The following YWHAG variants were observed in gnomAD, a reference collection of about 807,000 sequenced individuals.
The protein encoded by YWHAG is tyrosine 3-monooxygenase/tryptophan 5-monooxygenase activation protein gamma.
A neutral mutation model predicts 23.3 loss-of-function variants in YWHAG; 1 was observed. The ratio of observed to expected loss-of-function variants is 0.04; its 90% CI spans 0.02 to 0.20. The LOEUF is 0.20. Among genes scored for constraint, YWHAG ranks in the 10% least tolerant of loss-of-function variants. The pLI, the probability that YWHAG is intolerant of heterozygous loss-of-function variation, is 1.00. For synonymous variants in YWHAG, 160 were observed against 144.0 expected (o/e 1.11, Z -0.80); for missense variants, 151 against 338.6 (o/e 0.45, Z 4.35).
chr7:76,343,159 T>G (rs999935592), intron 1 of YWHAG, among the ~76,000 whole-genome samples: 19 of 152,128 alleles, frequency 1.2e-4, no homozygotes, highest in Non-Finnish European at 1.0e-4. Flanking sequence ...TAGGTTGTTA[T>G]GTGTAAAAGC....
intron 1 of YWHAG, among the ~76,000 whole-genome samples, chr7:76,334,829 A>C (rs1325721387): frequency 6.6e-6 from 1 of 151,976 alleles, no homozygotes; most frequent in Admixed American, 6.6e-5. Context: ...TGCAGCCTCA[A>C]CTTCTCAGGC....
At chr7:76,345,268 C>G (rs997206770) in intron 1 of YWHAG, among the ~76,000 whole-genome samples, 1 of 150,622 alleles carries the variant, frequency 6.6e-6, no homozygotes, top group Non-Finnish European at 1.5e-5. Context: ...TCACTGCAAG[C>G]TCTGCCTCCC....
rs879250935 is a variant in YWHAG at position 76,358,951 on chromosome 7, G to C, written c.-143C>G. ...GAGGCGGCGGCTGCGCGGAGGAGGCGGCTGGAGCTGCGACCGCGGGACCGG... is the reference window on the plus strand; with the variant it reads ...GAGGCGGCGGCTGCGCGGAGGAGGCCGCTGGAGCTGCGACCGCGGGACCGG... On this transcript the variant is annotated 5_prime_UTR_variant, in exon 1 of 2. Coordinates refer to ENST00000307630, the MANE Select transcript of YWHAG (RefSeq NM_012479.4). 17 of 700,568 alleles carry C rather than the reference G, an allele frequency of 2.4e-5. No homozygotes were observed. The highest frequency in any genetic ancestry group is 3.6e-5 in the Non-Finnish European group (17 of 475,992). 43.4% of individuals were successfully genotyped at this position (700,568 alleles called of 1,614,324 possible).
chr7:76,351,743 TAATTGTAGA>T (rs1259644736), intron 1 of YWHAG, among the ~76,000 whole-genome samples: 2 of 152,242 alleles, frequency 1.3e-5, no homozygotes, highest in Non-Finnish European at 2.9e-5. Context: ...CGGGACCATC[TAATTGTAGA>T]ACAAGCTCAG....
chr7:76,338,168 T>G (rs1803642181), intron 1 of YWHAG, among the ~76,000 whole-genome samples: 1 of 152,150 alleles, frequency 6.6e-6, no homozygotes, highest in Non-Finnish European at 1.5e-5. Flanking sequence ...CTTATTCACA[T>G]TGGAGTATCA....
intron 1 of YWHAG, among the ~76,000 whole-genome samples, chr7:76,332,518 A>G (rs566249471): frequency 6.6e-6 from 1 of 152,084 alleles, no homozygotes; most frequent in Non-Finnish European, 1.5e-5. Context: ...ACAAATAAGA[A>G]AGTCTTTTTT....
chr7:76,352,743 G>C (rs1353824288), intron 1 of YWHAG, among the ~76,000 whole-genome samples: 1 of 151,152 alleles, frequency 6.6e-6, no homozygotes, highest in Non-Finnish European at 1.5e-5. Flanking sequence ...TCTGCCTCTT[G>C]GGTTCAAGTG....
Position 76,345,859 on chromosome 7 carries a change from G to A in YWHAG, c.87+12863C>T, listed in dbSNP as rs528748943. 1.7e-3 allele frequency among the ~76,000 whole-genome samples: 252 copies of A among 152,094 alleles called. 2 individuals carry two copies. Among genetic ancestry groups the A allele is most frequent in the African/African-American group, 5.7e-3 (238 of 41,496 alleles). Reference sequence around the variant, plus strand: ...CTGAGGCAGCAGAATTGCTTGAACCGGGACCCGGGAGATGGAGGTTGCAGG... The same window carrying A: ...CTGAGGCAGCAGAATTGCTTGAACCAGGACCCGGGAGATGGAGGTTGCAGG... On this transcript the variant is annotated intron_variant, in intron 1 of 1. Transcript: ENST00000307630.
At chr7:76,342,938 A>G (rs1803719793) in intron 1 of YWHAG, among the ~76,000 whole-genome samples, 1 of 152,118 alleles carries the variant, frequency 6.6e-6, no homozygotes, top group Non-Finnish European at 1.5e-5. Flanking sequence ...GGAATTCGAG[A>G]CCAGCCTAGC....
chr7:76,342,239 C>T (rs758123400), intron 1 of YWHAG, among the ~76,000 whole-genome samples: 3 of 152,174 alleles, frequency 2.0e-5, no homozygotes, highest in Non-Finnish European at 2.9e-5. Context: ...ATGTACATGT[C>T]CTGCCATGGG....
intron 1 of YWHAG, among the ~76,000 whole-genome samples, chr7:76,345,280 G>C (rs1803760775): frequency 6.6e-6 from 1 of 151,314 alleles, no homozygotes; most frequent in African/African-American, 2.4e-5. Context: ...CTGCCTCCCG[G>C]GTTCACACCA....
chr7:76,348,940 T>A (rs1803828316), intron 1 of YWHAG, among the ~76,000 whole-genome samples: 1 of 152,142 alleles, frequency 6.6e-6, no homozygotes, highest in Non-Finnish European at 1.5e-5. Flanking sequence ...TATCACTTTA[T>A]AAAACTGTTG....
At chr7:76,335,367 T>C (rs1026695286) in intron 1 of YWHAG, among the ~76,000 whole-genome samples, 1 of 152,204 alleles carries the variant, frequency 6.6e-6, no homozygotes, top group African/African-American at 2.4e-5. Flanking sequence ...CAAATTTCTT[T>C]TGGTGACTTA....
chr7:76,339,298 C>T (rs1375729029), intron 1 of YWHAG, among the ~76,000 whole-genome samples: 1 of 151,948 alleles, frequency 6.6e-6, no homozygotes, highest in African/African-American at 2.4e-5. Flanking sequence ...GGTGAAACCC[C>T]ATCTCTACTA....
intron 1 of YWHAG, among the ~76,000 whole-genome samples, chr7:76,351,977 C>T (rs1803882023): frequency 6.6e-6 from 1 of 152,134 alleles, no homozygotes; most frequent in Non-Finnish European, 1.5e-5. Flanking sequence ...TTTAGCCTAC[C>T]CAGGCCAGGC....
At chr7:76,343,056 G>A (rs1803721111) in intron 1 of YWHAG, among the ~76,000 whole-genome samples, 3 of 152,140 alleles carry the variant, frequency 2.0e-5, no homozygotes, top group Admixed American at 2.0e-4. Flanking sequence ...AGAATCGCTT[G>A]AAACCAGGAG....
intron 1 of YWHAG, among the ~76,000 whole-genome samples, chr7:76,343,590 C>T (rs918798864): frequency 6.6e-6 from 1 of 152,170 alleles, no homozygotes; most frequent in Admixed American, 6.5e-5. Flanking sequence ...CTAGTAATTC[C>T]TCCTGATTCT....
At chr7:76,354,635 T>C (rs556464429) in intron 1 of YWHAG, among the ~76,000 whole-genome samples, 1 of 152,180 alleles carries the variant, frequency 6.6e-6, no homozygotes, top group Non-Finnish European at 1.5e-5. Context: ...ACAGCCACAA[T>C]GTACTGAATG....
intron 1 of YWHAG, among the ~76,000 whole-genome samples, chr7:76,341,270 G>A (rs969033327): frequency 6.6e-6 from 1 of 151,866 alleles, no homozygotes; most frequent in Non-Finnish European, 1.5e-5. Context: ...CGGGCATGGT[G>A]GCTCGCACCT....
Sources: allele counts gnomAD v4.1 joint callset (sites outside exome capture counted in the v4.1 genomes callset), GRCh38; gene constraint gnomAD v4.1.1; transcripts MANE v1.5; gene names NCBI Gene and HGNC (gene_info 2026-07-23, HGNC 2026-07-21).